SLC39A9: variants seen among roughly 807,000 people sequenced by gnomAD.
SLC39A9 encodes the protein zinc transporter ZIP9.
A neutral mutation model predicts 28.4 loss-of-function variants in SLC39A9; 14 were observed. The ratio of observed to expected loss-of-function variants is 0.49; its 90% CI spans 0.33 to 0.77. The LOEUF (loss-of-function observed/expected upper bound fraction) is 0.77, where lower values mean the gene tolerates loss of function less well. Among genes scored for constraint, SLC39A9 ranks in the 30% least tolerant of loss-of-function variants. The probability of loss-of-function intolerance (pLI) is 0.02; values close to 1 mark genes in which losing one functional copy is unlikely to be tolerated. For missense variants in SLC39A9, 283 were observed against 381.1 expected (o/e 0.74, Z 2.14); for synonymous variants, 119 against 149.6 (o/e 0.80, Z 1.49).
At chr14:69,407,536 C>G (rs1485862309) in intron 1 of SLC39A9, among the ~76,000 whole-genome samples, 2 of 151,932 alleles carry the variant, frequency 1.3e-5, no homozygotes, top group African/African-American at 4.8e-5. Context: ...CAGGGTTTCT[C>G]CATGTTGGTC....
intron 2 of SLC39A9, among the ~76,000 whole-genome samples, chr14:69,434,467 C>G (rs902071574): frequency 6.6e-6 from 1 of 151,736 alleles, no homozygotes; most frequent in Non-Finnish European, 1.5e-5. Flanking sequence ...AGCTGGATAA[C>G]TTCAGACCAG....
At chr14:69,406,143 T>C (rs1215384598) in intron 1 of SLC39A9, among the ~76,000 whole-genome samples, 1 of 151,860 alleles carries the variant, frequency 6.6e-6, no homozygotes, top group Non-Finnish European at 1.5e-5. Context: ...TAGGAACATC[T>C]TTCATACCTT....
intron 2 of SLC39A9, among the ~76,000 whole-genome samples, chr14:69,427,474 T>C (rs1566915069): frequency 6.6e-6 from 1 of 152,232 alleles, no homozygotes; most frequent in Non-Finnish European, 1.5e-5. Flanking sequence ...ATTCACACTT[T>C]AGGTGTACAC....
chr14:69,425,669 TTTTA>T (rs969101065), intron 2 of SLC39A9, among the ~76,000 whole-genome samples: 3 of 152,018 alleles, frequency 2.0e-5, no homozygotes, highest in African/African-American at 7.2e-5. Flanking sequence ...GGGTTTTTTT[TTTTA>T]TTTGTTTGTT....
At chr14:69,451,041 T>C (rs1429080071) in intron 3 of SLC39A9, among the ~76,000 whole-genome samples, 2 of 152,212 alleles carry the variant, frequency 1.3e-5, no homozygotes, top group East Asian at 3.8e-4. Context: ...AAGCCTCTAA[T>C]TGTTTAAGAT....
chr14:69,401,361 C>T (rs1179978606), intron 1 of SLC39A9, among the ~76,000 whole-genome samples: 1 of 152,126 alleles, frequency 6.6e-6, no homozygotes, highest in Non-Finnish European at 1.5e-5. Flanking sequence ...GCTATGTTTC[C>T]TTTGACATAA....
At chr14:69,423,915 AT>A (rs1193006195) in intron 1 of SLC39A9, among the ~76,000 whole-genome samples, 178 bp from the exon 2 acceptor site, 1 of 142,658 alleles carries the variant, frequency 7.0e-6, no homozygotes, top group Non-Finnish European at 1.5e-5. Flanking sequence ...AAAAAAAAAA[AT>A]TCATCTCTTT....
intron 2 of SLC39A9, among the ~76,000 whole-genome samples, chr14:69,437,529 A>C (rs1396670283): frequency 6.6e-6 from 1 of 151,828 alleles, no homozygotes; most frequent in African/African-American, 2.4e-5. Context: ...CCAGCATCAG[A>C]TGTCTCCAAC....
intron 3 of SLC39A9, among the ~76,000 whole-genome samples, chr14:69,442,859 T>C (rs1420431771): frequency 6.6e-6 from 1 of 152,244 alleles, no homozygotes; most frequent in Non-Finnish European, 1.5e-5. Flanking sequence ...AACATGTATG[T>C]CAAGTTAAAC....
intron 2 of SLC39A9, among the ~76,000 whole-genome samples, chr14:69,430,652 A>T: frequency 6.9e-6 from 1 of 144,918 alleles, no homozygotes. Context: ...TTCTTGAGAC[A>T]AGGTCTCACT....
At chr14:69,428,469 C>T (rs1338760389) in intron 2 of SLC39A9, 2 of 152,426 alleles carry the variant, frequency 1.3e-5, no homozygotes, top group Non-Finnish European at 2.9e-5. Flanking sequence ...ATTAACAACA[C>T]AAAAAATAGC....
In SLC39A9 at chr14:69,453,283, C is replaced by T. The variant is rs145229526; in HGVS notation, c.446C>T (p.Thr149Met). ...TCTAGCAATTCCAAAATCACCACCACGCTGGGTCTGGTTGTCCATGCTGCA... is the reference window on the plus strand; with the variant it reads ...TCTAGCAATTCCAAAATCACCACCATGCTGGGTCTGGTTGTCCATGCTGCA... ...ARSSNSKITT[T>M]LGLVVHAAAD... is the part of the protein sequence containing the mutation. Residue 149 changes from threonine to methionine, a missense_variant, in exon 4 of 7, where the codon ACG (threonine) becomes ATG (methionine). Thr to Met is a moderately conservative substitution (Grantham distance 81). Transcript: ENST00000336643. 8 of 1,613,880 alleles carry T rather than the reference C, an allele frequency of 5.0e-6. No homozygotes were observed. The highest frequency in any genetic ancestry group is 3.3e-5 in the Admixed American group (2 of 59,996).
At chr14:69,445,330 A>G (rs1294271945) in intron 3 of SLC39A9, among the ~76,000 whole-genome samples, 2 of 152,108 alleles carry the variant, frequency 1.3e-5, no homozygotes, top group African/African-American at 2.4e-5. Context: ...AGCCTACTCA[A>G]TGTGAAGATG....
chr14:69,458,901 A>G lies in SLC39A9; in HGVS notation c.*308A>G. On this transcript the variant is annotated 3_prime_UTR_variant, in exon 7 of 7. Transcript: ENST00000336643. ...AAGATGGAATTTAGTTTTAAGGAAA[A>G]GAGGAGAACTTCATACTCACAATGA... is the stretch of plus-strand genomic sequence containing the variant. 2.7e-6 allele frequency: 3 copies of G among 1,094,812 alleles called. No homozygotes were observed. Among genetic ancestry groups the G allele is most frequent in the Non-Finnish European group, 3.3e-6 (3 of 898,770 alleles). The allele number at this position is 1,094,812 out of a possible 1,614,324, so 67.8% of individuals were successfully genotyped here. A position where few individuals can be genotyped will look rare whatever the true frequency, so the allele number is the denominator to read the frequency against.
chr14:69,424,987 C>T lies in SLC39A9; in HGVS notation c.205+785C>T, dbSNP rs552857274. ...TTCAGATCTTGGTAGAGGAAAAGAA[C>T]TGTGTCCTTTATCCAGAATGGTGAT... On this transcript the variant is annotated intron_variant, in intron 2 of 6. Transcript: ENST00000336643. 7.9e-5 allele frequency among the ~76,000 whole-genome samples: 12 copies of T among 152,232 alleles called. No homozygotes were observed. In the South Asian group the frequency reaches 2.5e-3, roughly 32 times the overall value.
chr14:69,414,890 A>G (rs764477998), intron 1 of SLC39A9, among the ~76,000 whole-genome samples: 1 of 152,214 alleles, frequency 6.6e-6, no homozygotes, highest in Non-Finnish European at 1.5e-5. Flanking sequence ...ATATACATTT[A>G]TTCATACAGT....
At chr14:69,451,243 T>C (rs1320747560) in intron 3 of SLC39A9, among the ~76,000 whole-genome samples, 2 of 152,240 alleles carry the variant, frequency 1.3e-5, no homozygotes, top group East Asian at 3.8e-4. Context: ...TAAGAGGTAA[T>C]ATCTTACTTT....
intron 2 of SLC39A9, among the ~76,000 whole-genome samples, chr14:69,430,509 C>G (rs1168861035): frequency 6.6e-6 from 1 of 152,094 alleles, no homozygotes; most frequent in Admixed American, 6.6e-5. Context: ...TCTGGATTCT[C>G]TGTTCTGTTT....
chr14:69,422,545 G>GACTAC (rs1883957791), intron 1 of SLC39A9, among the ~76,000 whole-genome samples: 1 of 152,096 alleles, frequency 6.6e-6, no homozygotes, highest in South Asian at 2.1e-4. Flanking sequence ...AAGCAGCTGA[G>GACTAC]ACTACAGGTG....
Sources: gnomAD v4.1 joint callset for allele counts (sites outside exome capture counted in the v4.1 genomes callset) on GRCh38, gnomAD v4.1.1 for gene constraint, MANE v1.5 for transcripts, NCBI Gene and HGNC (gene_info 2026-07-23, HGNC 2026-07-21) for gene names.